Variants in PACSIN2 observed in about 807,000 individuals in gnomAD.
The protein encoded by PACSIN2 is protein kinase C and casein kinase substrate in neurons protein 2.
A neutral mutation model predicts 63.8 loss-of-function variants in PACSIN2; 25 were observed. The ratio of observed to expected loss-of-function variants is 0.39; its 90% CI spans 0.29 to 0.55. The LOEUF (loss-of-function observed/expected upper bound fraction) is 0.55. Among genes scored for constraint, PACSIN2 ranks in the 20% least tolerant of loss-of-function variants. The pLI is 0.62. For missense variants in PACSIN2, 518 were observed against 646.9 expected (o/e 0.80, Z 2.16); for synonymous variants, 255 against 256.2 (o/e 1.00, Z 0.05).
At chr22:42,963,392 C>A (rs1301915320) in intron 1 of PACSIN2, among the ~76,000 whole-genome samples, 2 of 152,228 alleles carry the variant, frequency 1.3e-5, no homozygotes, top group African/African-American at 4.8e-5. Context: ...AGGCCCCCTG[C>A]AGAGGCGGCA....
At position 42,905,952 on chromosome 22, in the gene PACSIN2, C is replaced by T. The variant is rs906053289; in HGVS notation, c.60+6069G>A. ...ATATCTACCTGACCACCCACCGCCA[C>T]CCACTCCTTCAAGTATGTAAGTCCC... On this transcript the variant is annotated intron_variant, in intron 2 of 10. Coordinates refer to ENST00000263246, the MANE Select transcript of PACSIN2 (RefSeq NM_001184970.3). 2.0e-5 allele frequency among the ~76,000 whole-genome samples: 3 copies of T among 152,264 alleles called. No homozygotes were observed. In the South Asian group the frequency reaches 6.2e-4, roughly 31 times the overall value.
At chr22:42,969,395 A>T (rs1028646585) in intron 1 of PACSIN2, among the ~76,000 whole-genome samples, 9 of 152,200 alleles carry the variant, frequency 5.9e-5, no homozygotes, top group Non-Finnish European at 1.2e-4. Context: ...TTTCTCCCTG[A>T]AAGATGTTAA....
At chr22:42,915,948 G>C (rs1307382709) in intron 1 of PACSIN2, among the ~76,000 whole-genome samples, 1 of 152,236 alleles carries the variant, frequency 6.6e-6, no homozygotes, top group African/African-American at 2.4e-5. Flanking sequence ...CAGAGACTGT[G>C]AGGGGAAGAA....
chr22:42,970,103 C>T (rs1012448922), intron 1 of PACSIN2, among the ~76,000 whole-genome samples: 2 of 152,136 alleles, frequency 1.3e-5, no homozygotes, highest in African/African-American at 4.8e-5. Flanking sequence ...CAAGTCCTCA[C>T]GCTGGGAAGA....
intron 1 of PACSIN2, among the ~76,000 whole-genome samples, chr22:42,974,163 G>A (rs938806011): frequency 3.9e-5 from 6 of 152,076 alleles, no homozygotes; most frequent in Non-Finnish European, 8.8e-5. Flanking sequence ...CCTTCCCTCC[G>A]TATCCCTATG....
In PACSIN2 at chr22:42,985,193, C is replaced by T. The variant is rs1040428; in HGVS notation, c.-78+29828G>A. ...AAATACAAAACTCAGCCAGGAGTGG[C>T]GGCACATGCCTGTAATCCCAGCTAC... On this transcript the variant is annotated intron_variant, in intron 1 of 10. Coordinates refer to ENST00000263246, the MANE Select transcript of PACSIN2 (RefSeq NM_001184970.3). 5.9e-3 allele frequency among the ~76,000 whole-genome samples: 897 copies of T among 152,312 alleles called. 9 individuals carry two copies. Among genetic ancestry groups the T allele is most frequent in the African/African-American group, 0.021 (853 of 41,564 alleles).
chr22:42,992,456 A>G (rs542225553), intron 1 of PACSIN2, among the ~76,000 whole-genome samples: 2 of 152,314 alleles, frequency 1.3e-5, no homozygotes, highest in South Asian at 4.1e-4. Flanking sequence ...GGGAAGTGGA[A>G]GCAGATGTTG....
chr22:42,989,996 AT>A (rs1922919248), intron 1 of PACSIN2, among the ~76,000 whole-genome samples: 1 of 147,344 alleles, frequency 6.8e-6, no homozygotes, highest in African/African-American at 2.5e-5. Flanking sequence ...ATATATACAT[AT>A]ATACACACAC....
At chr22:42,937,876 G>C (rs1354104413) in intron 1 of PACSIN2, among the ~76,000 whole-genome samples, 1 of 152,174 alleles carries the variant, frequency 6.6e-6, no homozygotes, top group Non-Finnish European at 1.5e-5. Context: ...CCTTCTCCTG[G>C]CTCGAGCAGT....
chr22:42,947,281 T>C lies in PACSIN2; in HGVS notation c.-77-35124A>G, dbSNP rs114652987. ...TCCAGGCCACCTTCGAGGTCTGCTG[T>C]GCCAGGTTCCCAAGACAGACAAAGA... is the stretch of plus-strand genomic sequence containing the variant. On this transcript the variant is annotated intron_variant, in intron 1 of 10. Coordinates refer to ENST00000263246, the MANE Select transcript of PACSIN2 (RefSeq NM_001184970.3). Among the ~76,000 whole-genome samples, 472 of 152,264 alleles carry C rather than the reference T, an allele frequency of 3.1e-3. 3 individuals are homozygous for C. The highest frequency in any genetic ancestry group is 0.011 in the African/African-American group (463 of 41,546).
chr22:42,932,534 ATGG>A (rs1932802586), intron 1 of PACSIN2, among the ~76,000 whole-genome samples: 1 of 152,216 alleles, frequency 6.6e-6, no homozygotes, highest in African/African-American at 2.4e-5. Context: ...TACAAGTGAA[ATGG>A]TGGGACAGTA....
chr22:42,897,977 A>T (rs1930404939), intron 2 of PACSIN2, among the ~76,000 whole-genome samples: 1 of 151,868 alleles, frequency 6.6e-6, no homozygotes, highest in African/African-American at 2.4e-5. Context: ...ATGCTGAGAA[A>T]CTGGGAAGGC....
intron 1 of PACSIN2, among the ~76,000 whole-genome samples, chr22:42,916,905 T>C (rs1043054306): frequency 6.6e-6 from 1 of 152,196 alleles, no homozygotes; most frequent in East Asian, 1.9e-4. Context: ...TCGGAAATGT[T>C]GGTGACTGGG....
intron 1 of PACSIN2, among the ~76,000 whole-genome samples, chr22:42,948,956 G>A (rs1048095006): frequency 6.6e-6 from 1 of 152,148 alleles, no homozygotes; most frequent in Non-Finnish European, 1.5e-5. Flanking sequence ...GAAACTAATA[G>A]GCTTAAATCA....
intron 2 of PACSIN2, among the ~76,000 whole-genome samples, chr22:42,904,048 TA>T (rs950172210): frequency 6.6e-6 from 1 of 151,920 alleles, no homozygotes; most frequent in South Asian, 2.1e-4. Context: ...AATGACAAAA[TA>T]AAAAATAGAT....
At chr22:42,962,789 G>C (rs983839157) in intron 1 of PACSIN2, among the ~76,000 whole-genome samples, 1 of 141,370 alleles carries the variant, frequency 7.1e-6, no homozygotes, top group Non-Finnish European at 1.5e-5. Context: ...GGGGGGGGGC[G>C]GCGCAGAAAA....
At chr22:42,980,611 C>G (rs1401774752) in intron 1 of PACSIN2, among the ~76,000 whole-genome samples, 3 of 133,570 alleles carry the variant, frequency 2.2e-5, no homozygotes, top group South Asian at 2.8e-4. Context: ...CTCAGCCTGC[C>G]GAGTGCCTGC....
chr22:43,006,281 G>A (rs772828075), intron 1 of PACSIN2, among the ~76,000 whole-genome samples: 13 of 152,256 alleles, frequency 8.5e-5, no homozygotes, highest in African/African-American at 1.2e-4. Context: ...ACAAGCCACC[G>A]CATCTTTGTT....
intron 1 of PACSIN2, among the ~76,000 whole-genome samples, chr22:42,992,576 T>TCA (rs1923115044): frequency 6.6e-6 from 1 of 152,190 alleles, no homozygotes; most frequent in Non-Finnish European, 1.5e-5. Context: ...AGGGAGACTC[T>TCA]GTCTCCATTA....
Sources: gnomAD v4.1 joint callset for allele counts (sites outside exome capture counted in the v4.1 genomes callset) on GRCh38, gnomAD v4.1.1 for gene constraint, MANE v1.5 for transcripts, NCBI Gene and HGNC (gene_info 2026-07-23, HGNC 2026-07-21) for gene names.